Variants in FNDC1 observed in about 807,000 individuals in gnomAD.
The protein encoded by FNDC1 is fibronectin type III domain-containing protein 1.
A neutral mutation model predicts 168.0 loss-of-function variants in FNDC1; 96 were observed. The ratio of observed to expected loss-of-function variants is 0.57; its 90% CI spans 0.48 to 0.68. The LOEUF (loss-of-function observed/expected upper bound fraction) is 0.68. Ranked by LOEUF, FNDC1 falls within the 30% of genes least tolerant of loss-of-function variation. The pLI is 0.00. For synonymous variants in FNDC1, 1,099 were observed against 1,025.9 expected (o/e 1.07, Z -1.36); for missense variants, 2,587 against 2,482.1 (o/e 1.04, Z -0.90).
chr6:159,232,791 G>C lies in FNDC1; in HGVS notation c.2279G>C (p.Arg760Pro), dbSNP rs771304162. The change falls in exon 11 of 23, where the codon CGG becomes CCG. Residue 760 changes from arginine (R) to proline (P), a missense_variant. Coordinates refer to ENST00000297267, the MANE Select transcript of FNDC1 (RefSeq NM_032532.3). The surrounding 1 kb of genome is among the most constrained non-coding windows in gnomAD (Gnocchi z 4.9). ...GCCACCAACTCCAATGCGCCATCAC[G>C]GTCCACCATGTCCTCCTCCGTCTCT... ...APATNSNAPS[R>P]STMSSSVSSH... is the part of the protein sequence containing the mutation. 3 of 1,613,790 alleles carry C rather than the reference G, an allele frequency of 1.9e-6. No homozygotes were observed. The highest frequency in any genetic ancestry group is 1.7e-6 in the Non-Finnish European group (2 of 1,179,894).
intron 18 of FNDC1, among the ~76,000 whole-genome samples, chr6:159,260,256 A>C (rs1473272478): frequency 1.3e-5 from 2 of 152,222 alleles, no homozygotes; most frequent in African/African-American, 4.8e-5. Flanking sequence ...AGAGGTGAGG[A>C]AAGCACAAAG....
At position 159,248,425 on chromosome 6, in the gene FNDC1, C is replaced by T. The variant is rs918065024; in HGVS notation, c.4691-614C>T. Among the ~76,000 whole-genome samples the T allele has an allele frequency of 4.6e-5, 7 of 152,154 alleles. No individual in the cohort carries two copies. The East Asian group carries it at 7.7e-4, about 17-fold the overall frequency. ...GGTTCAAGTGATTCTTTTGCCTCAG[C>T]CTCCTGAGTAGCTGGGACTACAGGT... is the stretch of plus-strand genomic sequence containing the variant. On this transcript the variant is annotated intron_variant, in intron 15 of 22. Transcript: ENST00000297267.
chr6:159,186,075 T>A (rs1382510959), intron 1 of FNDC1, among the ~76,000 whole-genome samples: 3 of 152,212 alleles, frequency 2.0e-5, no homozygotes, highest in African/African-American at 7.2e-5. Context: ...CAAATTACAG[T>A]CAGTTCCTAT....
At chr6:159,185,760 T>C (rs1372915432) in intron 1 of FNDC1, among the ~76,000 whole-genome samples, 1 of 152,222 alleles carries the variant, frequency 6.6e-6, no homozygotes. Context: ...CCTCCCTATG[T>C]CTGTCATTGG....
intron 19 of FNDC1, among the ~76,000 whole-genome samples, chr6:159,262,739 A>T (rs1777510963): frequency 6.6e-6 from 1 of 152,250 alleles, no homozygotes; most frequent in South Asian, 2.1e-4. Flanking sequence ...CCTCCAAGAA[A>T]AACTCCTAAC....
At chr6:159,199,397 T>G (rs1176591891) in intron 2 of FNDC1, among the ~76,000 whole-genome samples, 1 of 152,122 alleles carries the variant, frequency 6.6e-6, no homozygotes, top group African/African-American at 2.4e-5. Flanking sequence ...TTTCCAAGAC[T>G]CCAGGATATA....
intron 1 of FNDC1, among the ~76,000 whole-genome samples, chr6:159,181,618 T>G (rs538830461): frequency 6.6e-6 from 1 of 152,316 alleles, no homozygotes; most frequent in African/African-American, 2.4e-5. Flanking sequence ...GTTTTTACAT[T>G]GAAACATACA....
intron 4 of FNDC1, among the ~76,000 whole-genome samples, chr6:159,202,482 G>A (rs1335499720): frequency 6.6e-6 from 1 of 152,166 alleles, no homozygotes; most frequent in African/African-American, 2.4e-5. Flanking sequence ...CATTCAAAGA[G>A]GAATTTGCCT....
intron 19 of FNDC1, 131 bp downstream of exon 19, chr6:159,261,400 A>T (rs1436331428): frequency 1.6e-6 from 1 of 623,736 alleles, no homozygotes; most frequent in African/African-American, 1.9e-5. Context: ...ATCAGTTTCT[A>T]AAGTAAACAT....
intron 16 of FNDC1, 85 bp from the exon 17 acceptor site, chr6:159,251,217 G>C (rs138927452): frequency 1.2e-4 from 117 of 1,013,418 alleles, no homozygotes; most frequent in East Asian, 7.0e-4. Flanking sequence ...CGAATGGTGG[G>C]TCTGACTCTG....
chr6:159,207,942 C>T (rs1399618042), intron 4 of FNDC1, among the ~76,000 whole-genome samples: 2 of 152,192 alleles, frequency 1.3e-5, no homozygotes, highest in Non-Finnish European at 2.9e-5. Context: ...GAGGCCATCT[C>T]TGTGTTATAC....
At chr6:159,229,567 C>T (rs747370974) in intron 9 of FNDC1, among the ~76,000 whole-genome samples, 27 of 152,184 alleles carry the variant, frequency 1.8e-4, no homozygotes, top group Admixed American at 3.9e-4. Flanking sequence ...TCCTGGCTTT[C>T]ATATGTTTAA....
intron 8 of FNDC1, 60 bp downstream of exon 8, chr6:159,225,782 T>A: frequency 6.9e-7 from 1 of 1,449,488 alleles, no homozygotes; most frequent in Non-Finnish European, 9.4e-7. Context: ...AAATAAGATT[T>A]AAAGACAATG....
intron 1 of FNDC1, among the ~76,000 whole-genome samples, chr6:159,196,088 A>G (rs1186278983): frequency 6.6e-6 from 1 of 152,236 alleles, no homozygotes; most frequent in African/African-American, 2.4e-5. Context: ...CTAATTTTAA[A>G]TGCCTAGAAA....
chr6:159,188,551 T>TC (rs1322740241), intron 1 of FNDC1, among the ~76,000 whole-genome samples: 4 of 149,764 alleles, frequency 2.7e-5, no homozygotes, highest in Non-Finnish European at 4.5e-5. Flanking sequence ...ATTTTTTTTT[T>TC]GAATTTTTAG....
chr6:159,244,104 T>G (rs564503721), intron 14 of FNDC1, among the ~76,000 whole-genome samples: 1 of 152,216 alleles, frequency 6.6e-6, no homozygotes, highest in Admixed American at 6.5e-5. Flanking sequence ...AAAGCAATAA[T>G]GAAAAGAAAT....
Position 159,232,481 on chromosome 6 carries a change from C to G in FNDC1, c.1969C>G (p.Leu657Val). The G allele has an allele frequency of 6.2e-7, 1 of 1,612,426 alleles. No individual in the cohort carries two copies. Among genetic ancestry groups the G allele is most frequent in the Non-Finnish European group, 8.5e-7 (1 of 1,179,208 alleles). ...CGAAGATGAGCGCGCTGTGGGCTCC[C>G]TCCACCCCAAGGGCGCCTTCGCCCA... ...SDEDERAVGSLHPKGAFAQPR... is the reference protein window; with the variant it reads ...SDEDERAVGSVHPKGAFAQPR... Residue 657 changes from leucine to valine, a missense_variant, in exon 11 of 23, where the codon CTC (leucine) becomes GTC (valine). Leu to Val is a conservative substitution (Grantham distance 32). Coordinates refer to ENST00000297267, the MANE Select transcript of FNDC1 (RefSeq NM_032532.3). The surrounding 1 kb of genome is among the most constrained non-coding windows in gnomAD (Gnocchi z 4.9).
At position 159,200,148 on chromosome 6, in the gene FNDC1, G is replaced by A. The variant is rs148480945; in HGVS notation, c.391+66G>A. 40 of 1,143,196 alleles carry A rather than the reference G, an allele frequency of 3.5e-5. No individual in the cohort carries two copies. The East Asian group carries it at 1.0e-3, about 29-fold the overall frequency. 70.8% of individuals were successfully genotyped at this position (1,143,196 alleles called of 1,614,324 possible). On this transcript the variant is annotated intron_variant, in intron 3 of 22. Coordinates refer to ENST00000297267, the MANE Select transcript of FNDC1 (RefSeq NM_032532.3). ...TAGATTGGGAGAGACATCCCTCCTT[G>A]CTTCTTCCAGTAAATATAAATTTAG...
chr6:159,246,881 C>A lies in FNDC1; in HGVS notation c.4622-20C>A, dbSNP rs1020142475. The A allele has an allele frequency of 1.3e-6, 2 of 1,593,716 alleles. No individual in the cohort carries two copies. The highest frequency in any genetic ancestry group is 1.7e-6 in the Non-Finnish European group (2 of 1,161,378). On this transcript the variant is annotated intron_variant, in intron 14 of 22. Coordinates refer to ENST00000297267, the MANE Select transcript of FNDC1 (RefSeq NM_032532.3). ...GAGAAGGAGCGCTGGATGACTGGTCCTTTTCTCTGTCCTCACTAGATGAGT... is the reference window on the plus strand; with the variant it reads ...GAGAAGGAGCGCTGGATGACTGGTCATTTTCTCTGTCCTCACTAGATGAGT...
Sources: gnomAD v4.1 joint callset for allele counts (sites outside exome capture counted in the v4.1 genomes callset) on GRCh38, gnomAD v4.1.1 for gene constraint, Gnocchi (gnomAD v3.1) non-coding constraint, MANE v1.5 for transcripts, NCBI Gene and HGNC (gene_info 2026-07-23, HGNC 2026-07-21) for gene names.